The following ASZ1 variants were observed in gnomAD, a reference collection of about 807,000 sequenced individuals.
The protein encoded by ASZ1 is ankyrin repeat, SAM and basic leucine zipper domain containing 1, also known as ankyrin repeat, SAM and basic leucine zipper domain-containing protein 1.
Under a neutral mutation model 61.8 loss-of-function variants are expected in ASZ1, and 67 were observed. That is an observed-to-expected ratio of 1.08 (90% CI 0.89 to 1.33). The LOEUF is 1.33. ASZ1 is among the 40% of genes most tolerant of loss of function. ASZ1 has a pLI of 0.00. For synonymous variants in ASZ1, 193 were observed against 192.7 expected, an observed-to-expected ratio of 1.00 and a Z score of -0.01; for missense variants, 577 against 554.5, an observed-to-expected ratio of 1.04 and a Z score of -0.41.
intron 10 of ASZ1, among the ~76,000 whole-genome samples, chr7:117,369,737 G>A (rs754697612): frequency 1.3e-5 from 2 of 152,128 alleles, no homozygotes; most frequent in Non-Finnish European, 2.9e-5. Flanking sequence ...CACGGAAGGC[G>A]GTGCTGCCAA....
At chr7:117,411,645 C>T (rs968795360) in intron 4 of ASZ1, among the ~76,000 whole-genome samples, 7 of 151,818 alleles carry the variant, frequency 4.6e-5, no homozygotes, top group African/African-American at 9.7e-5. Context: ...AGAATTAACG[C>T]GTACCAAGGA....
intron 4 of ASZ1, among the ~76,000 whole-genome samples, chr7:117,418,435 A>G (rs1797037103): frequency 6.6e-6 from 1 of 152,136 alleles, no homozygotes; most frequent in Non-Finnish European, 1.5e-5. Flanking sequence ...TGGGCGGATC[A>G]TGAGGTCAGG....
At chr7:117,411,770 T>C (rs1796894405) in intron 4 of ASZ1, among the ~76,000 whole-genome samples, 1 of 151,700 alleles carries the variant, frequency 6.6e-6, no homozygotes, top group Non-Finnish European at 1.5e-5. Flanking sequence ...ACTATAAGAA[T>C]GAAACTGAAA....
At chr7:117,400,668 G>A (rs1796662831) in intron 4 of ASZ1, among the ~76,000 whole-genome samples, 1 of 152,204 alleles carries the variant, frequency 6.6e-6, no homozygotes, top group African/African-American at 2.4e-5. Flanking sequence ...TCGGACTTCT[G>A]CCTTCAAAGT....
chr7:117,368,376 GTTTAATT>G (rs1161332885), intron 11 of ASZ1: 1 of 1,189,992 alleles, frequency 8.4e-7, no homozygotes, highest in African/African-American at 1.6e-5. Context: ...ACACGGATCA[GTTTAATT>G]TTTGGTCTGA....
rs531799646 is a variant in ASZ1 at position 117,427,156 on chromosome 7, CG to C, written c.105+199del. Among the ~76,000 whole-genome samples, 6 of 152,204 alleles carry C rather than the reference CG, an allele frequency of 3.9e-5. No individual in the cohort carries two copies. The East Asian group carries it at 1.2e-3, about 29-fold the overall frequency. On this transcript the variant is annotated intron_variant, in intron 1 of 12. Coordinates refer to ENST00000284629, the MANE Select transcript of ASZ1 (RefSeq NM_130768.3). ...GAGGAGTTACGATGACCTAAAGAAG[CG>C]TATTTGGTGGTAACCACAGTTGGGG...
At chr7:117,406,114 G>A (rs750638173) in intron 4 of ASZ1, among the ~76,000 whole-genome samples, 47 of 152,086 alleles carry the variant, frequency 3.1e-4, no homozygotes, top group African/African-American at 1.1e-3. Context: ...TAATGCTGTC[G>A]GGCATAGAAG....
chr7:117,420,267 T>C lies in ASZ1; in HGVS notation c.336A>G (p.Gln112=). Residue 112 remains glutamine, a synonymous_variant, in exon 4 of 13, where the codon CAA becomes CAG. Transcript: ENST00000284629. ...CAGAACATGCAGTTATCAAAATACT[T>C]TGCTTATCTATAGTGAATAGAAAAG... ...GANASFEKDK[Q]SILITACSAH... 2 of 1,611,514 alleles carry C rather than the reference T, an allele frequency of 1.2e-6. No homozygotes were observed. Among genetic ancestry groups the C allele is most frequent in the Non-Finnish European group, 1.7e-6 (2 of 1,179,158 alleles).
chr7:117,364,674 G>A (rs1442542280), intron 12 of ASZ1, among the ~76,000 whole-genome samples: 1 of 152,076 alleles, frequency 6.6e-6, no homozygotes, highest in Non-Finnish European at 1.5e-5. Flanking sequence ...ATTCTACAGT[G>A]TAAATATTTA....
chr7:117,364,667 C>A (rs1169942028), intron 12 of ASZ1, among the ~76,000 whole-genome samples: 1 of 152,066 alleles, frequency 6.6e-6, no homozygotes, highest in Non-Finnish European at 1.5e-5. Flanking sequence ...CTTCCAAATT[C>A]TACAGTGTAA....
At chr7:117,370,805 TG>T (rs1562844868) in intron 10 of ASZ1, among the ~76,000 whole-genome samples, 1 of 23,028 alleles carries the variant, frequency 4.3e-5, no homozygotes, top group African/African-American at 5.1e-4. Flanking sequence ...CAAAGGTAAT[TG>T]TGTGTGTGTG....
intron 4 of ASZ1, among the ~76,000 whole-genome samples, chr7:117,402,619 G>T (rs985113758): frequency 2.6e-5 from 4 of 152,054 alleles, no homozygotes; most frequent in Non-Finnish European, 4.4e-5. Flanking sequence ...TTTCTCTGTG[G>T]ACCAGTTCCA....
At chr7:117,420,123 T>C in intron 4 of ASZ1, 40 bp downstream of exon 4, 1 of 1,466,080 alleles carries the variant, frequency 6.8e-7, no homozygotes, top group Non-Finnish European at 9.3e-7. Context: ...AGAAAAATTC[T>C]AATTTGACTT....
chr7:117,411,308 A>G (rs1409287767), intron 4 of ASZ1, among the ~76,000 whole-genome samples: 2 of 151,842 alleles, frequency 1.3e-5, no homozygotes, highest in Non-Finnish European at 3.0e-5. Flanking sequence ...ATCAGCTCCT[A>G]TATGTAGGTA....
chr7:117,411,841 G>C (rs1376311776), intron 4 of ASZ1, among the ~76,000 whole-genome samples: 1 of 151,672 alleles, frequency 6.6e-6, no homozygotes, highest in African/African-American at 2.4e-5. Context: ...TCAAACCTTG[G>C]CAGTCTGGTT....
rs201502594 is a variant in ASZ1, at chr7:117,425,634, T to A, written c.205+1202A>T. On this transcript the variant is annotated intron_variant, in intron 2 of 12. Transcript: ENST00000284629. ...TGAAGGTAATTTAAAGTTTTTTTTTTATTTAATACACAAAAAATTCATGAA... is the reference window on the plus strand; with the variant it reads ...TGAAGGTAATTTAAAGTTTTTTTTTAATTTAATACACAAAAAATTCATGAA... 4.6e-5 allele frequency among the ~76,000 whole-genome samples: 7 copies of A among 151,338 alleles called. No individual in the cohort carries two copies. In the East Asian group the frequency reaches 6.0e-4, roughly 13 times the overall value.
chr7:117,413,129 T>C (rs75902061), intron 4 of ASZ1, among the ~76,000 whole-genome samples: 3,409 of 152,010 alleles, frequency 0.022, 124 homozygotes, highest in African/African-American at 0.078. Flanking sequence ...GGAAGTTTAA[T>C]ACAAACATAT....
intron 4 of ASZ1, among the ~76,000 whole-genome samples, chr7:117,408,864 A>G (rs1017101533): frequency 7.9e-5 from 12 of 152,044 alleles, no homozygotes; most frequent in Admixed American, 7.9e-4. Flanking sequence ...CCTAAGGGAG[A>G]TTCCTAGGGT....
At chr7:117,412,887 A>G (rs903619684) in intron 4 of ASZ1, among the ~76,000 whole-genome samples, 1 of 151,896 alleles carries the variant, frequency 6.6e-6, no homozygotes, top group Admixed American at 6.6e-5. Context: ...CATTCTAACA[A>G]TAAAAATGCC....
Sources: gnomAD v4.1 joint callset for allele counts (sites outside exome capture counted in the v4.1 genomes callset) on GRCh38, gnomAD v4.1.1 for gene constraint, MANE v1.5 for transcripts, NCBI Gene and HGNC (gene_info 2026-07-23, HGNC 2026-07-21) for gene names.